Variants in FABP6 observed in about 807,000 individuals in gnomAD.
The protein encoded by FABP6 is gastrotropin.
FABP6 carries 13 observed loss-of-function variants against 14.9 expected under a neutral mutation model. That is an observed-to-expected ratio of 0.87 (90% CI 0.57 to 1.39). The LOEUF (loss-of-function observed/expected upper bound fraction) is 1.39, where lower values mean the gene tolerates loss of function less well. Among genes scored for constraint, FABP6 ranks in the 40% most tolerant of loss-of-function variants. The pLI is 0.00. For missense variants in FABP6, 161 were observed against 167.2 expected (o/e 0.96, Z 0.20); for synonymous variants, 75 against 63.6 (o/e 1.18, Z -0.85).
At chr5:160,188,387 C>A (rs1474921344) in intron 1 of FABP6, among the ~76,000 whole-genome samples, 3 of 151,810 alleles carry the variant, frequency 2.0e-5, no homozygotes, top group Non-Finnish European at 2.9e-5. Context: ...GCCCAGGTAG[C>A]CGGCTGGCTG....
At chr5:160,225,793 TG>T (rs386694207), upstream of FABP6, among the ~76,000 whole-genome samples, 936 of 152,216 alleles carry the variant, frequency 6.1e-3, 9 homozygotes, top group African/African-American at 0.021. Context: ...ATGTGGCGTG[TG>T]GTTATTGTAT....
At chr5:160,232,049 G>C (rs201093377) in intron 1 of FABP6, 49 bp from the exon 2 acceptor site, 189 of 1,597,320 alleles carry the variant, frequency 1.2e-4, no homozygotes, top group Middle Eastern at 8.3e-4. Context: ...CCAAACCACA[G>C]GGTTAAAAGC....
intron 2 of FABP6, among the ~76,000 whole-genome samples, chr5:160,203,636 T>G (rs1160280012): frequency 1.3e-5 from 2 of 152,202 alleles, no homozygotes; most frequent in Admixed American, 1.3e-4. Flanking sequence ...TAGCTGGGAT[T>G]ATGAGTGCAA....
Position 160,192,742 on chromosome 5 carries a change from C to T in FABP6, c.-59+5288C>T, listed in dbSNP as rs79084673. On this transcript the variant is annotated intron_variant, in intron 1 of 6. Coordinates refer to the FABP6 transcript ENST00000393980. ...ACAGTAAGGCCAGGCAAGGCGCATG[C>T]GCCCAGGTTCTACTGAAAGGCCGTC... 3.9e-5 allele frequency among the ~76,000 whole-genome samples: 6 copies of T among 152,344 alleles called. No homozygotes were observed. The East Asian group carries it at 7.7e-4, about 20-fold the overall frequency.
chr5:160,187,691 A>G (rs939856620), intron 1 of FABP6, among the ~76,000 whole-genome samples: 2 of 152,120 alleles, frequency 1.3e-5, no homozygotes, highest in African/African-American at 4.8e-5. Flanking sequence ...CATTCCATCA[A>G]CAGTTCCTCT....
At chr5:160,195,807 A>G (rs1444955252) in intron 1 of FABP6, 1 of 152,208 alleles carries the variant, frequency 6.6e-6, no homozygotes, top group Admixed American at 6.5e-5. Context: ...TCCACAGGGT[A>G]TAGAGCAACG....
At chr5:160,213,856 G>A (rs752544347) in intron 3 of FABP6, 36 of 1,555,998 alleles carry the variant, frequency 2.3e-5, no homozygotes, top group African/African-American at 4.1e-5. Context: ...GGTTCCTGAC[G>A]TTTTTCAGAT....
chr5:160,234,069 G>C (rs770903986), intron 2 of FABP6, among the ~76,000 whole-genome samples: 2 of 152,060 alleles, frequency 1.3e-5, no homozygotes, highest in Non-Finnish European at 2.9e-5. Context: ...GCAGGGTAAA[G>C]CAAAAAAGGA....
At chr5:160,216,899 G>A (rs1237203031) in intron 3 of FABP6, among the ~76,000 whole-genome samples, 1 of 152,148 alleles carries the variant, frequency 6.6e-6, no homozygotes, top group African/African-American at 2.4e-5. Context: ...ACCCTGATTG[G>A]TTCTGAAGGC....
chr5:160,225,405 T>TG (rs1250229041), upstream of FABP6, among the ~76,000 whole-genome samples: 1 of 148,492 alleles, frequency 6.7e-6, no homozygotes, highest in Non-Finnish European at 1.5e-5. Flanking sequence ...CCACCTTTTT[T>TG]TTTTTTTTTT....
chr5:160,209,272 C>T (rs1391637828), intron 2 of FABP6, among the ~76,000 whole-genome samples: 1 of 151,866 alleles, frequency 6.6e-6, no homozygotes, highest in Non-Finnish European at 1.5e-5. Flanking sequence ...ATCCCAGAAC[C>T]TTGGGAGGCC....
In FABP6 at chr5:160,238,703, C is replaced by G. The variant is rs1760574175; in HGVS notation, c.*44C>G. 2.5e-6 allele frequency: 4 copies of G among 1,596,014 alleles called. No individual in the cohort carries two copies. Among genetic ancestry groups the G allele is most frequent in the Non-Finnish European group, 2.6e-6 (3 of 1,163,784 alleles). ...GGGAGCTACAAACCCACCAATAAAA[C>G]TGATATAAGGACAGACGCTGCTCGC... On this transcript the variant is annotated 3_prime_UTR_variant, in exon 4 of 4. Transcript: ENST00000402432.
intron 2 of FABP6, among the ~76,000 whole-genome samples, chr5:160,233,379 C>G (rs1043876889): frequency 1.3e-5 from 2 of 152,100 alleles, no homozygotes; most frequent in Non-Finnish European, 2.9e-5. Context: ...GATTTCCCAC[C>G]AGCAATTGTA....
At chr5:160,232,967 C>G (rs1229547435) in intron 2 of FABP6, among the ~76,000 whole-genome samples, 1 of 137,440 alleles carries the variant, frequency 7.3e-6, no homozygotes, top group Non-Finnish European at 1.5e-5. Flanking sequence ...GCCTTTACAC[C>G]AGGCACTAGA....
At chr5:160,224,446 T>C (rs1760199654) in intron 3 of FABP6, among the ~76,000 whole-genome samples, 1 of 151,824 alleles carries the variant, frequency 6.6e-6, no homozygotes, top group African/African-American at 2.4e-5. Flanking sequence ...ATTAGGCCAA[T>C]TAATAAGCTG....
At chr5:160,194,045 G>T (rs952016796) in intron 1 of FABP6, among the ~76,000 whole-genome samples, 17 of 152,236 alleles carry the variant, frequency 1.1e-4, no homozygotes, top group Admixed American at 1.3e-4. Flanking sequence ...TGCCCCATGG[G>T]AAGGCAGCTA....
At chr5:160,226,845 G>A (rs533227207), upstream of FABP6, among the ~76,000 whole-genome samples, 1 of 152,086 alleles carries the variant, frequency 6.6e-6, no homozygotes, top group Non-Finnish European at 1.5e-5. Context: ...TGCTCTAGGC[G>A]GGAGTGTAAA....
chr5:160,227,102 T>C (rs10041333), upstream of FABP6, among the ~76,000 whole-genome samples: 55,753 of 152,132 alleles, frequency 0.37, 10,676 homozygotes, highest in African/African-American at 0.45. Context: ...ATACATATGA[T>C]AGAATACTCT....
chr5:160,235,079 C>G (rs947675547), intron 3 of FABP6, among the ~76,000 whole-genome samples, 170 bp downstream of exon 3: 5 of 152,210 alleles, frequency 3.3e-5, no homozygotes, highest in African/African-American at 1.2e-4. Context: ...CAAAATAACC[C>G]TGTTAGGTGG....
Sources: allele counts gnomAD v4.1 joint callset (sites outside exome capture counted in the v4.1 genomes callset), GRCh38; gene constraint gnomAD v4.1.1; transcripts MANE v1.5; gene names NCBI Gene and HGNC (gene_info 2026-07-23, HGNC 2026-07-21).